Variants in SLC39A12 observed in about 807,000 individuals in gnomAD.
The protein encoded by SLC39A12 is zinc transporter ZIP12.
A neutral mutation model predicts 71.1 loss-of-function variants in SLC39A12; 63 were observed. That is an observed-to-expected ratio of 0.89 (90% CI 0.72 to 1.09). SLC39A12 has a LOEUF of 1.09. SLC39A12 is among the 50% of genes least tolerant of loss of function. SLC39A12 has a pLI of 0.00. For missense variants in SLC39A12, 892 were observed against 812.6 expected (o/e 1.10, Z -1.19); for synonymous variants, 351 against 301.3 (o/e 1.16, Z -1.71).
rs552305565 is a variant in SLC39A12, at chr10:17,981,468, C to A, written c.1081C>A (p.Pro361Thr). Reference protein sequence around the residue: ...LPKDQQAKLPPTTLEKYGYST... With the variant: ...LPKDQQAKLPTTTLEKYGYST... ...CAAGGACCAACAAGCAAAGCTGCCA[C>A]CTACCACTCTGGAGAGTAAGTTCTG... is the stretch of plus-strand genomic sequence containing the variant. Residue 361 changes from proline (P) to threonine (T), a missense_variant, in exon 6 of 13, where the codon CCT (proline) becomes ACT (threonine). By Grantham distance (38) the Pro-to-Thr change is conservative (BLOSUM62 -1). Transcript: ENST00000377369. 1 of 1,612,962 alleles carries A rather than the reference C, an allele frequency of 6.2e-7. No individual in the cohort carries two copies. The highest frequency in any genetic ancestry group is 1.7e-5 in the Admixed American group (1 of 59,908).
At chr10:17,954,639 CAT>C in intron 2 of SLC39A12, among the ~76,000 whole-genome samples, 1 of 152,060 alleles carries the variant, frequency 6.6e-6, no homozygotes, top group East Asian at 1.9e-4. Flanking sequence ...GGTGAGAACT[CAT>C]GTGTTTAAAT....
intron 10 of SLC39A12, among the ~76,000 whole-genome samples, chr10:17,998,747 C>A (rs761255668): frequency 6.6e-6 from 1 of 152,062 alleles, no homozygotes; most frequent in Admixed American, 6.6e-5. Flanking sequence ...ATCTCCTAGA[C>A]GGTAATTTGG....
In SLC39A12 at chr10:17,968,154, G is replaced by A. The variant is rs1032405614; in HGVS notation, c.751+2464G>A. On this transcript the variant is annotated intron_variant, in intron 4 of 12. Coordinates refer to ENST00000377369, the MANE Select transcript of SLC39A12 (RefSeq NM_001145195.2). ...GATTATTTTTGTATGATTTTTAGGG[G>A]TTTCAGATATATAATACTATCTCTA... is the stretch of plus-strand genomic sequence containing the variant. 5.0e-4 allele frequency among the ~76,000 whole-genome samples: 76 copies of A among 151,534 alleles called. 1 individual carries two copies. The highest frequency in any genetic ancestry group is 1.8e-3 in the African/African-American group (74 of 41,368).
intron 6 of SLC39A12, among the ~76,000 whole-genome samples, chr10:17,984,426 A>G (rs1283284376): frequency 6.6e-6 from 1 of 152,230 alleles, no homozygotes; most frequent in African/African-American, 2.4e-5. Context: ...CTGATTTGTC[A>G]TTGTGCTTTC....
At chr10:17,952,984 A>AT (rs1161131148) in intron 1 of SLC39A12, among the ~76,000 whole-genome samples, 1 of 152,174 alleles carries the variant, frequency 6.6e-6, no homozygotes, top group Non-Finnish European at 1.5e-5. Context: ...GGGAGAGAGA[A>AT]TCTAGCAAGC....
At chr10:17,963,333 C>T (rs1834739830) in intron 3 of SLC39A12, among the ~76,000 whole-genome samples, 1 of 152,154 alleles carries the variant, frequency 6.6e-6, no homozygotes, top group South Asian at 2.1e-4. Flanking sequence ...CCATTACTGC[C>T]TCATGGGTAA....
intron 4 of SLC39A12, among the ~76,000 whole-genome samples, chr10:17,966,231 C>G (rs1299188): frequency 0.33 from 50,116 of 152,022 alleles, 8,569 homozygotes; most frequent in Admixed American, 0.39. Flanking sequence ...TTGCACATTT[C>G]TTTGTACTTG....
chr10:18,001,382 C>G (rs1192151680), intron 11 of SLC39A12, among the ~76,000 whole-genome samples: 2 of 152,074 alleles, frequency 1.3e-5, no homozygotes, highest in African/African-American at 4.8e-5. Flanking sequence ...GGTGTGGTGG[C>G]CCAGGCCTGT....
At chr10:18,010,337 C>T (rs969473897) in intron 12 of SLC39A12, among the ~76,000 whole-genome samples, 6 of 152,156 alleles carry the variant, frequency 3.9e-5, no homozygotes, top group Non-Finnish European at 5.9e-5. Context: ...TATGAAGTAA[C>T]CTTGATATAC....
intron 5 of SLC39A12, among the ~76,000 whole-genome samples, chr10:17,978,303 C>A (rs1012509718): frequency 6.6e-6 from 1 of 152,090 alleles, no homozygotes; most frequent in Non-Finnish European, 1.5e-5. Flanking sequence ...ATTGCTTTTT[C>A]CTCCCTTGGG....
intron 5 of SLC39A12, 50 bp downstream of exon 5, chr10:17,978,124 C>T: frequency 2.8e-6 from 4 of 1,434,310 alleles, no homozygotes; most frequent in Non-Finnish European, 3.7e-6. Flanking sequence ...TCAAAGGAAG[C>T]CCAGCTGTGA....
intron 12 of SLC39A12, among the ~76,000 whole-genome samples, chr10:18,030,516 G>A (rs566382471): frequency 1.3e-5 from 2 of 152,058 alleles, no homozygotes; most frequent in South Asian, 4.1e-4. Flanking sequence ...TGGGATTACA[G>A]GCGTGAGCCA....
chr10:17,990,740 C>G (rs186869134), intron 7 of SLC39A12, among the ~76,000 whole-genome samples: 1 of 151,878 alleles, frequency 6.6e-6, no homozygotes, highest in African/African-American at 2.4e-5. Context: ...GAGAATAAAC[C>G]CCAGATGAAA....
intron 12 of SLC39A12, among the ~76,000 whole-genome samples, chr10:18,040,791 C>T (rs1354327901): frequency 6.9e-6 from 1 of 145,616 alleles, no homozygotes; most frequent in African/African-American, 2.6e-5. Flanking sequence ...AAAAAAGTGT[C>T]AAGCCATTTT....
intron 7 of SLC39A12, among the ~76,000 whole-genome samples, chr10:17,988,701 G>C (rs569919474): frequency 4.6e-5 from 7 of 152,272 alleles, no homozygotes; most frequent in Non-Finnish European, 1.0e-4. Flanking sequence ...AAAACTCAGA[G>C]GAGGAGGAGA....
intron 3 of SLC39A12, among the ~76,000 whole-genome samples, chr10:17,964,900 A>G (rs969897424): frequency 4.6e-5 from 7 of 152,336 alleles, no homozygotes; most frequent in African/African-American, 1.4e-4. Context: ...CCCTTGGAGA[A>G]AACACATCTT....
intron 4 of SLC39A12, among the ~76,000 whole-genome samples, chr10:17,975,074 C>G (rs1441474768): frequency 6.6e-6 from 1 of 152,202 alleles, no homozygotes; most frequent in East Asian, 1.9e-4. Context: ...AGCTGCCACA[C>G]TACTGCCAAT....
chr10:17,976,574 C>T (rs1303597347), intron 4 of SLC39A12, among the ~76,000 whole-genome samples: 6 of 152,082 alleles, frequency 3.9e-5, no homozygotes, highest in Middle Eastern at 3.4e-3. Flanking sequence ...CCTGCCACCA[C>T]GCCTGGCTAA....
chr10:18,007,602 T>C (rs966358688), intron 12 of SLC39A12, among the ~76,000 whole-genome samples: 1 of 152,164 alleles, frequency 6.6e-6, no homozygotes, highest in Non-Finnish European at 1.5e-5. Context: ...GCAACCCCAT[T>C]GCTGCTGGTT....
Sources: gnomAD v4.1 joint callset for allele counts (sites outside exome capture counted in the v4.1 genomes callset) on GRCh38, gnomAD v4.1.1 for gene constraint, MANE v1.5 for transcripts, NCBI Gene and HGNC (gene_info 2026-07-23, HGNC 2026-07-21) for gene names.